UNC13B: variants seen among roughly 807,000 people sequenced by gnomAD.
UNC13B encodes the protein unc-13 homolog B.
In UNC13B, 144 loss-of-function variants were observed where a neutral mutation model predicts 211.0. That is an observed-to-expected ratio of 0.68 (90% CI 0.60 to 0.78). The LOEUF (loss-of-function observed/expected upper bound fraction) is 0.78. UNC13B is among the 30% of genes least tolerant of loss of function. The pLI, the probability that UNC13B is intolerant of heterozygous loss-of-function variation, is 0.00. For synonymous variants in UNC13B, 709 were observed against 725.8 expected (o/e 0.98, Z 0.37); for missense variants, 1,777 against 2,002.0 (o/e 0.89, Z 2.14).
chr9:35,385,733 C>T lies in UNC13B; in HGVS notation c.10885C>T (p.Pro3629Ser), dbSNP rs762692197. The T allele has an allele frequency of 6.2e-7, 1 of 1,601,454 alleles. No individual in the cohort carries two copies. Among genetic ancestry groups the T allele is most frequent in the Non-Finnish European group, 8.5e-7 (1 of 1,169,992 alleles). Residue 3629 changes from proline to serine, a missense_variant, in exon 23 of 40, where the codon CCT (proline) becomes TCT (serine). Pro to Ser is a moderately conservative substitution (Grantham distance 74, BLOSUM62 -1). Transcript: ENST00000635942. ...GCTTGATTTGCAACAGAATAATTTC[C>T]CTGCTGGGAGTCCTGAACGGCTTCA... ...IDLSTYRNNF[P>S]AGSPERLQDL...
At chr9:35,257,370 T>TAAAAATATA (rs11389755) in intron 6 of UNC13B, among the ~76,000 whole-genome samples, 1 of 60,680 alleles carries the variant, frequency 1.6e-5, no homozygotes, top group African/African-American at 8.6e-5. Context: ...TAAATATTTA[T>TAAAAATATA]AAAATATTTA....
At chr9:35,197,204 G>A (rs1006971283) in intron 1 of UNC13B, among the ~76,000 whole-genome samples, 4 of 152,040 alleles carry the variant, frequency 2.6e-5, no homozygotes, top group Non-Finnish European at 5.9e-5. Context: ...AATATTTAAT[G>A]TTTTCCTTTT....
intron 1 of UNC13B, among the ~76,000 whole-genome samples, chr9:35,164,165 A>G (rs1820915545): frequency 6.6e-6 from 1 of 152,150 alleles, no homozygotes; most frequent in African/African-American, 2.4e-5. Context: ...TACAGGAGTG[A>G]ACCACCAGGC....
In UNC13B at chr9:35,397,193, C is replaced by G; in HGVS notation, c.11559C>G (p.Leu3853=). ...TCCAGCAGACATCAGAGCATGCACT[C>G]TTTTCCTGCTCTGTGGTGGATGTCT... is the stretch of plus-strand genomic sequence containing the variant. ...DGFQQTSEHA[L]FSCSVVDVFT... The change falls in exon 29 of 40, where the codon CTC becomes CTG. Residue 3853 remains leucine (L), a synonymous_variant. Coordinates refer to ENST00000635942, the MANE Select transcript of UNC13B (RefSeq NM_001371189.2). The G allele has an allele frequency of 1.2e-6, 2 of 1,614,180 alleles. No homozygotes were observed. The highest frequency in any genetic ancestry group is 1.7e-6 in the Non-Finnish European group (2 of 1,180,048).
At chr9:35,232,656 G>T (rs1012782261) in intron 3 of UNC13B, among the ~76,000 whole-genome samples, 2 of 152,132 alleles carry the variant, frequency 1.3e-5, no homozygotes, top group African/African-American at 2.4e-5. Flanking sequence ...GTAGGATAGG[G>T]ATTAATATCA....
chr9:35,397,596 G>A (rs1287938604), intron 29 of UNC13B, 39 bp from the exon 30 acceptor site: 2 of 1,590,252 alleles, frequency 1.3e-6, no homozygotes, highest in Non-Finnish European at 1.7e-6. Context: ...GAAGAGCTAA[G>A]AGTTCCCTTT....
At chr9:35,313,417 G>A (rs1179391332) in intron 10 of UNC13B, among the ~76,000 whole-genome samples, 1 of 152,058 alleles carries the variant, frequency 6.6e-6, no homozygotes. Flanking sequence ...TTGTGCTCAG[G>A]AGTTCAAGAC....
intron 11 of UNC13B, among the ~76,000 whole-genome samples, chr9:35,362,954 G>A (rs761518320): frequency 7.2e-5 from 11 of 152,190 alleles, no homozygotes; most frequent in Non-Finnish European, 1.5e-5. Flanking sequence ...GCTTGGGTGG[G>A]CATCAGAGAA....
chr9:35,312,915 G>GT (rs1180059821), intron 10 of UNC13B, among the ~76,000 whole-genome samples: 2 of 152,048 alleles, frequency 1.3e-5, no homozygotes, highest in South Asian at 2.1e-4. Context: ...AGGGCTGTGT[G>GT]TTTTTTTTCT....
At chr9:35,200,201 G>A (rs2131372848) in intron 1 of UNC13B, among the ~76,000 whole-genome samples, 2 of 152,282 alleles carry the variant, frequency 1.3e-5, no homozygotes, top group South Asian at 4.1e-4. Context: ...CTATATCTCT[G>A]TTTTGATACC....
rs1349753708 is a variant in UNC13B, at chr9:35,398,746, C to A, written c.11921+104C>A. The stretch of plus-strand genomic sequence containing the variant: ...TCCATATAGCTGCAGGTGTGTGGAT[C>A]TTCCCTGTACTCCTGCTGACTGTCC... On this transcript the variant is annotated intron_variant, in intron 32 of 39. Transcript: ENST00000635942. 3.9e-6 allele frequency: 6 copies of A among 1,552,880 alleles called. No individual in the cohort carries two copies. The East Asian group carries it at 6.8e-5, about 18-fold the overall frequency.
In UNC13B at chr9:35,384,304, C is replaced by T; in HGVS notation, c.10865C>T (p.Ser3622Phe). ...CACAACTCACTGAGGATCGACCTCTCTACATACAGGGTGAGTGAAGACACG... is the reference window on the plus strand; with the variant it reads ...CACAACTCACTGAGGATCGACCTCTTTACATACAGGGTGAGTGAAGACACG... Reference protein sequence around the residue: ...QLHNSLRIDLSTYRNNFPAGS... With the variant: ...QLHNSLRIDLFTYRNNFPAGS... The change falls in exon 22 of 40, where the codon TCT becomes TTT. Residue 3622 changes from serine (S) to phenylalanine (F), a missense_variant. By Grantham distance (155) the Ser-to-Phe change is radical. Coordinates refer to ENST00000635942, the MANE Select transcript of UNC13B (RefSeq NM_001371189.2). The T allele has an allele frequency of 6.2e-7, 1 of 1,613,858 alleles. No individual in the cohort carries two copies. The highest frequency in any genetic ancestry group is 8.5e-7 in the Non-Finnish European group (1 of 1,179,902).
chr9:35,173,547 G>A (rs933967502), intron 1 of UNC13B, among the ~76,000 whole-genome samples: 2 of 151,282 alleles, frequency 1.3e-5, no homozygotes, highest in Admixed American at 1.3e-4. Flanking sequence ...CCTCAGCCTC[G>A]CGAGTAGTTG....
rs758435592 is a variant in UNC13B at position 35,403,162 on chromosome 9, C to T, written c.12485-5C>T. On this transcript the variant is annotated splice_polypyrimidine_tract_variant and splice_region_variant and intron_variant, in intron 37 of 39. Coordinates refer to ENST00000635942, the MANE Select transcript of UNC13B (RefSeq NM_001371189.2). Reference sequence around the variant, plus strand: ...TGGGGAATCATCTCTCCATTTGTCCCTCAGGGTCTGGTGTGGACGATCCTG... The same window carrying T: ...TGGGGAATCATCTCTCCATTTGTCCTTCAGGGTCTGGTGTGGACGATCCTG... 5 of 1,613,820 alleles carry T rather than the reference C, an allele frequency of 3.1e-6. No individual in the cohort carries two copies. Among genetic ancestry groups the T allele is most frequent in the African/African-American group, 1.3e-5 (1 of 75,042 alleles).
intron 6 of UNC13B, among the ~76,000 whole-genome samples, chr9:35,244,101 A>T (rs990640983): frequency 6.6e-6 from 1 of 152,136 alleles, no homozygotes; most frequent in African/African-American, 2.4e-5. Context: ...GGTAGAGCGT[A>T]TGGAGACAGT....
chr9:35,351,912 A>G, intron 11 of UNC13B: 3 of 1,232,282 alleles, frequency 2.4e-6, no homozygotes, highest in Middle Eastern at 3.1e-4. Context: ...GGCCATGGCC[A>G]AGGCTGTAGC....
In UNC13B at chr9:35,376,083, C is replaced by A; in HGVS notation, c.9671C>A (p.Thr3224Asn). 6.2e-7 allele frequency: 1 copy of A among 1,614,272 alleles called. No individual in the cohort carries two copies. Among genetic ancestry groups the A allele is most frequent in the South Asian group, 1.1e-5 (1 of 91,090 alleles). The change falls in exon 15 of 40, where the codon ACC becomes AAC. Residue 3224 changes from threonine (T) to asparagine (N), a missense_variant. Coordinates refer to ENST00000635942, the MANE Select transcript of UNC13B (RefSeq NM_001371189.2). ...GCCTTAATCTACCCCATTTCGTGCA[C>A]CACTCCTCATAACTTTGAGGTCTGG... ...LQALIYPISC[T>N]TPHNFEVWTA...
At chr9:35,184,596 C>T (rs905402520) in intron 1 of UNC13B, among the ~76,000 whole-genome samples, 2 of 152,160 alleles carry the variant, frequency 1.3e-5, no homozygotes, top group African/African-American at 4.8e-5. Context: ...CAATCCCAGG[C>T]ACTCGGCAGG....
At chr9:35,388,334 G>GTT (rs1835314117) in intron 24 of UNC13B, among the ~76,000 whole-genome samples, 3 of 152,162 alleles carry the variant, frequency 2.0e-5, no homozygotes, top group Non-Finnish European at 2.9e-5. Context: ...CTTGAACCCA[G>GTT]GAGGCAGAGG....
Sources: allele counts gnomAD v4.1 joint callset (sites outside exome capture counted in the v4.1 genomes callset), GRCh38; gene constraint gnomAD v4.1.1; transcripts MANE v1.5; gene names NCBI Gene and HGNC (gene_info 2026-07-23, HGNC 2026-07-21).